Variants in SLC8A1 observed in about 807,000 individuals in gnomAD.
SLC8A1 encodes the protein solute carrier family 8 member A1.
A neutral mutation model predicts 68.3 loss-of-function variants in SLC8A1; 18 were observed. That is an observed-to-expected ratio of 0.26 (90% CI 0.18 to 0.39). The LOEUF (loss-of-function observed/expected upper bound fraction) is 0.39, where lower values mean the gene tolerates loss of function less well. Ranked by LOEUF, SLC8A1 falls within the 10% of genes least tolerant of loss-of-function variation. The pLI is 1.00. For missense variants in SLC8A1, 985 were observed against 1,156.7 expected, an observed-to-expected ratio of 0.85 and a Z score of 2.15; for synonymous variants, 475 against 415.5, an observed-to-expected ratio of 1.14 and a Z score of -1.74.
At chr2:40,160,592 A>G (rs994574795) in intron 6 of SLC8A1, among the ~76,000 whole-genome samples, 173 bp downstream of exon 9, 1 of 152,216 alleles carries the variant, frequency 6.6e-6, no homozygotes, top group African/African-American at 2.4e-5. Flanking sequence ...TGCTTCATCT[A>G]GATAGTCAAT....
chr2:40,304,695 G>GT (rs1224496975), intron 2 of SLC8A1, among the ~76,000 whole-genome samples: 3 of 152,046 alleles, frequency 2.0e-5, no homozygotes, highest in Non-Finnish European at 2.9e-5. Context: ...ATGTGCTGCC[G>GT]TGTCTGCTCA....
At chr2:40,427,967 C>A (rs543654984) in intron 2 of SLC8A1, among the ~76,000 whole-genome samples, 17 of 152,236 alleles carry the variant, frequency 1.1e-4, no homozygotes, top group African/African-American at 3.9e-4. Context: ...TCACAAAACA[C>A]AATGTCACAT....
chr2:40,428,894 T>C (rs1422311402), exon 2 of SLC8A1: 1 of 1,613,784 alleles, frequency 6.2e-7, no homozygotes, highest in Non-Finnish European at 8.5e-7. Flanking sequence ...AACACCACAG[T>C]TCCTTCAGTA....
chr2:40,101,229 A>G (rs1289006509), exon 8 of SLC8A1: 2 of 152,258 alleles, frequency 1.3e-5, no homozygotes, highest in South Asian at 2.1e-4. Flanking sequence ...TGTATACATC[A>G]TCTGTGGTTT....
chr2:40,350,031 G>A (rs1187889201), intron 2 of SLC8A1, among the ~76,000 whole-genome samples: 1 of 152,122 alleles, frequency 6.6e-6, no homozygotes, highest in Non-Finnish European at 1.5e-5. Flanking sequence ...TGTAGACTAT[G>A]CATTTTCCTA....
rs182574612 is a variant in SLC8A1 at position 40,261,334 on chromosome 2, C to A, written c.1809-83479G>T. Among the ~76,000 whole-genome samples the A allele has an allele frequency of 5.8e-4, 89 of 152,146 alleles. 1 individual carries two copies. The East Asian group carries it at 6.0e-3, about 10-fold the overall frequency. ...ATCATTTTTCAGCTCTTTTCAGATT[C>A]TCTTTCTTGGTTATTTTTCCATCTT... On this transcript the variant is annotated intron_variant, in intron 2 of 7. Coordinates refer to ENST00000406785, the Ensembl canonical transcript of SLC8A1.
chr2:40,236,486 A>C, intron 2 of SLC8A1, among the ~76,000 whole-genome samples: 1 of 151,922 alleles, frequency 6.6e-6, no homozygotes, highest in African/African-American at 2.4e-5. Flanking sequence ...TTTTGAGCCT[A>C]TGTGTGTCTC....
exon 8 of SLC8A1, chr2:40,099,477 G>A (rs894904962): frequency 9.9e-5 from 15 of 151,962 alleles, no homozygotes; most frequent in African/African-American, 3.4e-4. Context: ...GATCAACTAC[G>A]GGAATATTAG....
At chr2:40,187,922 C>T (rs1023955937) in intron 2 of SLC8A1, among the ~76,000 whole-genome samples, 7 of 152,086 alleles carry the variant, frequency 4.6e-5, no homozygotes, top group African/African-American at 1.4e-4. Context: ...AAAATGTATA[C>T]CTTACCATTG....
At position 40,405,812 on chromosome 2, in the gene SLC8A1, C is replaced by A. The variant is rs116151121; in HGVS notation, c.1808+22661G>T. ...TATTCCGGGCAATCCATGCAACACT[C>A]CAGCTGTAAATTATTCTGATGGTAT... On this transcript the variant is annotated intron_variant, in intron 2 of 7. Transcript: ENST00000406785. Among the ~76,000 whole-genome samples, 657 of 152,220 alleles carry A rather than the reference C, an allele frequency of 4.3e-3. 4 individuals carry two copies. The highest frequency in any genetic ancestry group is 6.4e-3 in the Non-Finnish European group (438 of 68,018).
At chr2:40,451,732 C>CATCACA (rs1195159597) in intron 1 of SLC8A1, among the ~76,000 whole-genome samples, 172 bp downstream of exon 1, 3 of 136,342 alleles carry the variant, frequency 2.2e-5, no homozygotes, top group Non-Finnish European at 3.1e-5. Flanking sequence ...CGCGCACACA[C>CATCACA]CACATCACAC....
chr2:40,386,883 C>T (rs1207117078), intron 2 of SLC8A1, among the ~76,000 whole-genome samples: 1 of 151,200 alleles, frequency 6.6e-6, no homozygotes, highest in Non-Finnish European at 1.5e-5. Flanking sequence ...ACCATTTTGT[C>T]TTCCTTGTCT....
intron 1 of SLC8A1, among the ~76,000 whole-genome samples, chr2:40,438,654 G>A (rs996559331): frequency 2.0e-5 from 3 of 152,146 alleles, no homozygotes; most frequent in African/African-American, 7.2e-5. Context: ...GAATGTGACA[G>A]CACATTCTAA....
intron 3 of SLC8A1, chr2:40,177,706 A>C: frequency 8.6e-7 from 1 of 1,158,526 alleles, no homozygotes; most frequent in Non-Finnish European, 1.3e-6. Context: ...ACACGGAGAG[A>C]GAAGAGTACA....
At position 40,264,701 on chromosome 2, in the gene SLC8A1, G is replaced by A. The variant is rs911628027; in HGVS notation, c.1809-86846C>T. ...AACATCACACTCTGAGGACTGTTGT[G>A]GGGTGGGGTGAGGGAGAGGGATAGC... On this transcript the variant is annotated intron_variant, in intron 2 of 7. Coordinates refer to ENST00000406785, the Ensembl canonical transcript of SLC8A1. 2.6e-5 allele frequency among the ~76,000 whole-genome samples: 4 copies of A among 152,178 alleles called. 1 individual carries two copies. Among genetic ancestry groups the A allele is most frequent in the Admixed American group, 1.3e-4 (2 of 15,280 alleles).
intron 1 of SLC8A1, among the ~76,000 whole-genome samples, chr2:40,468,940 A>G (rs1418527381): frequency 1.3e-5 from 2 of 152,120 alleles, no homozygotes; most frequent in African/African-American, 4.8e-5. Flanking sequence ...AAAATCAAAA[A>G]TCAAAGTAAA....
chr2:40,107,635 A>C (rs1249032384), exon 8 of SLC8A1: 1 of 152,212 alleles, frequency 6.6e-6, no homozygotes, highest in East Asian at 1.9e-4. Context: ...TTGTATCTTT[A>C]GCTAAAAAGG....
chr2:40,405,933 G>A (rs1690190726), intron 2 of SLC8A1, among the ~76,000 whole-genome samples: 1 of 152,074 alleles, frequency 6.6e-6, no homozygotes, highest in Admixed American at 6.5e-5. Context: ...GCATGACTTT[G>A]AAAAATCTGT....
chr2:40,285,823 C>T (rs1196111195), intron 2 of SLC8A1, among the ~76,000 whole-genome samples: 2 of 152,100 alleles, frequency 1.3e-5, no homozygotes, highest in Non-Finnish European at 2.9e-5. Context: ...GGTCCCTGTG[C>T]ATAAAAAATA....
Sources: gnomAD v4.1 joint callset for allele counts (sites outside exome capture counted in the v4.1 genomes callset) on GRCh38, gnomAD v4.1.1 for gene constraint, MANE v1.5 for transcripts, NCBI Gene and HGNC (gene_info 2026-07-23, HGNC 2026-07-21) for gene names.